The following TLE2 variants were observed in gnomAD, a reference collection of about 807,000 sequenced individuals.
TLE2 encodes the protein transducin-like enhancer protein 2.
Under a neutral mutation model 97.2 loss-of-function variants are expected in TLE2, and 74 were observed. The ratio of observed to expected loss-of-function variants is 0.76; its 90% CI spans 0.63 to 0.92. The LOEUF (loss-of-function observed/expected upper bound fraction) is 0.92. Among genes scored for constraint, TLE2 ranks in the 40% least tolerant of loss-of-function variants. The pLI is 0.00. For synonymous variants in TLE2, 499 were observed against 432.1 expected (o/e 1.15, Z -1.92); for missense variants, 1,038 against 1,008.7 (o/e 1.03, Z -0.39).
At chr19:3,008,747 G>A (rs768040739) in intron 14 of TLE2, 122 bp downstream of exon 14, 69 of 710,348 alleles carry the variant, frequency 9.7e-5, no homozygotes, top group Non-Finnish European at 1.3e-4. Context: ...CACTGTGCCC[G>A]GCCCACACAA....
At position 3,028,305 on chromosome 19, in the gene TLE2, A is replaced by G. The variant is rs568169976; in HGVS notation, c.186+14T>C. The G allele has an allele frequency of 4.4e-6, 7 of 1,604,188 alleles. No individual in the cohort carries two copies. In the African/African-American group the frequency reaches 6.7e-5, roughly 15 times the overall value. ...CCGCCTCTCCCCTCACCCTGGCATC[A>G]TAAGTGCCCTCACCATGACATAATG... is the stretch of plus-strand genomic sequence containing the variant. On this transcript the variant is annotated intron_variant, in intron 3 of 19. Coordinates refer to ENST00000262953, the MANE Select transcript of TLE2 (RefSeq NM_003260.5).
chr19:3,009,946 G>A (rs1467476076), intron 12 of TLE2, among the ~76,000 whole-genome samples: 4 of 150,852 alleles, frequency 2.7e-5, no homozygotes, highest in East Asian at 2.0e-4. Context: ...GTTCAGTGGC[G>A]CGATCTCGGC....
rs76207314 is a variant in TLE2, at chr19:3,006,134, C to T, written c.1501-166G>A. On this transcript the variant is annotated intron_variant, in intron 15 of 19. Coordinates refer to ENST00000262953, the MANE Select transcript of TLE2 (RefSeq NM_003260.5). ...GCCCCGCCCCTTTGACCTGCAAACA[C>T]TGCCCCATCTGACTATAAGCTCCAT... 1.4e-4 allele frequency: 140 copies of T among 968,416 alleles called. No individual in the cohort carries two copies. The East Asian group carries it at 3.1e-3, about 21-fold the overall frequency. The allele number at this position is 968,416 out of a possible 1,614,324, so 60.0% of individuals were successfully genotyped here.
At chr19:3,002,576 T>C in intron 17 of TLE2, 73 bp from the exon 18 acceptor site, 1 of 1,512,378 alleles carries the variant, frequency 6.6e-7, no homozygotes, top group African/African-American at 1.4e-5. Flanking sequence ...TCTCACTCCG[T>C]CACCCAGGCT....
upstream of TLE2, chr19:3,029,567 G>A (rs906004410): frequency 2.7e-6 from 2 of 746,690 alleles, 1 homozygote; most frequent in Non-Finnish European, 3.3e-6. Context: ...GCGGGGGGGG[G>A]GGCTTGCGGG....
intron 5 of TLE2, among the ~76,000 whole-genome samples, chr19:3,024,054 G>A (rs1456331875): frequency 6.8e-6 from 1 of 146,926 alleles, no homozygotes; most frequent in Non-Finnish European, 1.5e-5. Flanking sequence ...GGAGTGCAGC[G>A]GCGCAATCTC....
Position 2,999,047 on chromosome 19 carries a change from C to T in TLE2, c.2125-1092G>A, listed in dbSNP as rs139715743. The stretch of plus-strand genomic sequence containing the variant: ...ACGGTGGCTCGGCGCTTCCGGAGGC[C>T]GAGGCAGGTGGATCACCTGAGGTCA... On this transcript the variant is annotated intron_variant, in intron 19 of 19. Coordinates refer to ENST00000262953, the MANE Select transcript of TLE2 (RefSeq NM_003260.5). 2.1e-3 allele frequency among the ~76,000 whole-genome samples: 319 copies of T among 152,180 alleles called. 2 individuals carry two copies. The highest frequency in any genetic ancestry group is 7.4e-3 in the African/African-American group (308 of 41,516).
chr19:3,029,150 G>C lies in TLE2; in HGVS notation c.-246C>G. 1.0e-6 allele frequency: 1 copy of C among 962,684 alleles called. No individual in the cohort carries two copies. 59.6% of individuals were successfully genotyped at this position (962,684 alleles called of 1,614,324 possible). A position where few individuals can be genotyped will look rare whatever the true frequency, so the allele number is the denominator to read the frequency against. On this transcript the variant is annotated 5_prime_UTR_variant, in exon 1 of 20. Coordinates refer to ENST00000262953, the MANE Select transcript of TLE2 (RefSeq NM_003260.5). ...AGCGGGGCGGGCAGGGGCAGCGGCCGGGGCGGGAGCGCGGCGAGGGCGGCC... is the reference window on the plus strand; with the variant it reads ...AGCGGGGCGGGCAGGGGCAGCGGCCCGGGCGGGAGCGCGGCGAGGGCGGCC...
intron 19 of TLE2, 96 bp downstream of exon 19, chr19:3,000,551 A>C: frequency 9.0e-7 from 1 of 1,107,176 alleles, no homozygotes; most frequent in Non-Finnish European, 1.3e-6. Flanking sequence ...TGGCGGGGGG[A>C]CCTGGGGGAC....
Position 3,013,807 on chromosome 19 carries a change from T to C in TLE2, c.735A>G (p.Ser245=), listed in dbSNP as rs2089645923. ...GGGTGGTAGCCGGGCTGGGGGGCTC[T>C]GAGGGTTGGTCCTGGGTTTGAGGAG... ...YNLVVDEDQP[S]EPPSPATTPC... The change falls in exon 11 of 20, where the codon TCA becomes TCG. Residue 245 remains serine, a synonymous_variant. Transcript: ENST00000262953. 1 of 1,545,126 alleles carries C rather than the reference T, an allele frequency of 6.5e-7. No homozygotes were observed. Among genetic ancestry groups the C allele is most frequent in the Non-Finnish European group, 8.7e-7 (1 of 1,151,138 alleles).
chr19:3,007,397 C>A (rs897505192), intron 14 of TLE2, among the ~76,000 whole-genome samples: 1 of 152,060 alleles, frequency 6.6e-6, no homozygotes, highest in Non-Finnish European at 1.5e-5. Flanking sequence ...GCCTCTGATG[C>A]ATTTTTTAAA....
chr19:3,011,529 C>CA (rs34102685), intron 11 of TLE2, among the ~76,000 whole-genome samples: 7,284 of 116,838 alleles, frequency 0.062, 373 homozygotes, highest in African/African-American at 0.14. Context: ...GACTCCATCT[C>CA]AAAAAAAAAA....
At position 3,000,662 on chromosome 19, in the gene TLE2, C is replaced by T. The variant is rs1425747384; in HGVS notation, c.2109G>A (p.Gly703=). 1.3e-6 allele frequency: 2 copies of T among 1,589,910 alleles called. No homozygotes were observed. ...CGCCGAGTACCTGGAAAATGCTGGC[C>T]CCGTACGGCGTCCTCCAGGCGTTGA... ...NLLNAWRTPY[G]ASIFQSKESS... Residue 703 remains glycine, a synonymous_variant, in exon 19 of 20, where the codon GGG becomes GGA. Coordinates refer to ENST00000262953, the MANE Select transcript of TLE2 (RefSeq NM_003260.5).
At chr19:3,040,902 C>T (rs2090095119) in intron 1 of TLE2, among the ~76,000 whole-genome samples, 2 of 148,596 alleles carry the variant, frequency 1.3e-5, no homozygotes, top group South Asian at 4.3e-4. Context: ...CCTTTTAACC[C>T]CTGTGGACCT....
chr19:3,032,126 T>A (rs1012993298), upstream of TLE2, among the ~76,000 whole-genome samples: 2 of 151,912 alleles, frequency 1.3e-5, no homozygotes, highest in African/African-American at 4.8e-5. The surrounding 1 kb of genome is among the most constrained non-coding windows in gnomAD (Gnocchi z 4.1). Flanking sequence ...TAGAGACGGA[T>A]TCACCATGTT....
chr19:2,997,721 G>A lies in TLE2; in HGVS notation c.*127C>T, dbSNP rs1174499331. ...ATGCAGCAGGGGAAGGTGTGAAGCC[G>A]TTGGCCAGAGAGCAGATGGGATGTA... On this transcript the variant is annotated 3_prime_UTR_variant, in exon 20 of 20. Coordinates refer to ENST00000262953, the MANE Select transcript of TLE2 (RefSeq NM_003260.5). 12 of 673,408 alleles carry A rather than the reference G, an allele frequency of 1.8e-5. No homozygotes were observed. The highest frequency in any genetic ancestry group is 9.6e-5 in the Admixed American group (4 of 41,578). The allele number at this position is 673,408 out of a possible 1,614,324, so 41.7% of individuals were successfully genotyped here.
At chr19:3,029,568 G>A (rs1001717502), upstream of TLE2, 14 of 741,926 alleles carry the variant, frequency 1.9e-5, no homozygotes, top group African/African-American at 2.7e-4. Context: ...CGGGGGGGGG[G>A]GCTTGCGGGG....
rs767574323 is a variant in TLE2 at position 3,000,638 on chromosome 19, G to T, written c.2124+9C>A. 3.2e-6 allele frequency: 5 copies of T among 1,574,788 alleles called. No homozygotes were observed. The African/African-American group carries it at 5.4e-5, about 17-fold the overall frequency. On this transcript the variant is annotated intron_variant, in intron 19 of 19. Coordinates refer to ENST00000262953, the MANE Select transcript of TLE2 (RefSeq NM_003260.5). ...CCTGCCAGAGTGGGGGCTCCAGACC[G>T]CCGAGTACCTGGAAAATGCTGGCCC...
At chr19:3,000,609 T>C (rs768258092) in intron 19 of TLE2, 38 bp downstream of exon 19, 4 of 1,549,754 alleles carry the variant, frequency 2.6e-6, no homozygotes, top group Non-Finnish European at 3.5e-6. Flanking sequence ...CCCGGGCACA[T>C]GGCCCTGCCA....
Sources: allele counts gnomAD v4.1 joint callset (sites outside exome capture counted in the v4.1 genomes callset), GRCh38; gene constraint gnomAD v4.1.1; non-coding constraint Gnocchi (gnomAD v3.1); transcripts MANE v1.5; gene names NCBI Gene and HGNC (gene_info 2026-07-23, HGNC 2026-07-21).